The following PITPNM3 variants were observed in gnomAD, a reference collection of about 807,000 sequenced individuals.
PITPNM3 encodes the protein membrane-associated phosphatidylinositol transfer protein 3.
A neutral mutation model predicts 102.0 loss-of-function variants in PITPNM3; 26 were observed. The ratio of observed to expected loss-of-function variants is 0.25; its 90% confidence interval spans 0.19 to 0.35. The LOEUF is 0.35. Ranked by LOEUF, PITPNM3 falls within the 10% of genes least tolerant of loss-of-function variation. The probability of loss-of-function intolerance (pLI) is 1.00; values close to 1 mark genes in which losing one functional copy is unlikely to be tolerated. For missense variants in PITPNM3, 1,083 were observed against 1,346.1 expected, an observed-to-expected ratio of 0.80 and a Z score of 3.06; for synonymous variants, 578 against 558.6, an observed-to-expected ratio of 1.03 and a Z score of -0.49.
In PITPNM3 at chr17:6,464,678, T is replaced by C. The variant is rs762357799; in HGVS notation, c.1984A>G (p.Met662Val). The change falls in exon 15 of 20, where the codon ATG becomes GTG. Residue 662 changes from methionine to valine, a missense_variant. Met to Val is a conservative substitution (Grantham distance 21). This residue lies in a region of PITPNM3 where 410 missense variants were observed against 638.4 expected (regional missense o/e 0.64). Coordinates refer to ENST00000262483, the MANE Select transcript of PITPNM3 (RefSeq NM_031220.4). ...ACCTTCTCTCCAGTCAGAGCCACCA[T>C]GTCGAGGGGCCCGTACATGAACCGC... ...VGRFMYGPLD[M>V]VALTGEKVDI... The C allele has an allele frequency of 1.2e-6, 2 of 1,613,982 alleles. No homozygotes were observed. Among genetic ancestry groups the C allele is most frequent in the African/African-American group, 2.7e-5 (2 of 74,898 alleles).
intron 16 of PITPNM3, 79 bp downstream of exon 16, chr17:6,464,090 AC>A: frequency 6.2e-7 from 1 of 1,601,548 alleles, no homozygotes; most frequent in African/African-American, 1.3e-5. Flanking sequence ...AACCCCAAGG[AC>A]CCCATCCTCT....
chr17:6,463,942 G>T, intron 16 of PITPNM3, 61 bp from the exon 17 acceptor site: 1 of 1,602,268 alleles, frequency 6.2e-7, no homozygotes, highest in East Asian at 2.3e-5. Context: ...CCGGAATCCA[G>T]AGGTCAGCCT....
chr17:6,542,224 A>G (rs1909767764), intron 1 of PITPNM3, among the ~76,000 whole-genome samples: 1 of 152,224 alleles, frequency 6.6e-6, no homozygotes, highest in Non-Finnish European at 1.5e-5. Flanking sequence ...TCAGGTCTAC[A>G]AATCAGTGTC....
intron 19 of PITPNM3, among the ~76,000 whole-genome samples, chr17:6,456,584 T>C (rs1914126098): frequency 6.6e-6 from 1 of 152,084 alleles, no homozygotes. Context: ...AATCAGAATA[T>C]GCATGTCAAC....
intron 4 of PITPNM3, among the ~76,000 whole-genome samples, chr17:6,492,943 G>A (rs1276692236): frequency 2.6e-5 from 4 of 151,430 alleles, no homozygotes; most frequent in Non-Finnish European, 5.9e-5. Context: ...AATACCACTT[G>A]CCTATTCCCA....
At position 6,484,162 on chromosome 17, in the gene PITPNM3, G is replaced by C. The variant is rs11656015; in HGVS notation, c.351+54C>G. ...GGCCGCCTATGATCCGAGGGCTCTT[G>C]CTAAAATCCTGGCCTCTGAGTTGAG... On this transcript the variant is annotated intron_variant, in intron 5 of 19. Transcript: ENST00000262483. 880,185 of 1,516,592 alleles carry C rather than the reference G, an allele frequency of 0.58. 264,261 individuals are homozygous for C. The highest frequency in any genetic ancestry group is 0.63 in the Middle Eastern group (3,713 of 5,886). 93.9% of individuals were successfully genotyped at this position (1,516,592 alleles called of 1,614,324 possible).
At chr17:6,475,475 G>A (rs1422462935) in intron 9 of PITPNM3, among the ~76,000 whole-genome samples, 1 of 152,200 alleles carries the variant, frequency 6.6e-6, no homozygotes, top group Non-Finnish European at 1.5e-5. Flanking sequence ...ACAAACTTTA[G>A]AAAGAGCTAT....
At chr17:6,500,536 T>G (rs1428664286) in intron 4 of PITPNM3, among the ~76,000 whole-genome samples, 1 of 152,152 alleles carries the variant, frequency 6.6e-6, no homozygotes, top group African/African-American at 2.4e-5. Flanking sequence ...TATGGAAAAA[T>G]ACATCACAGT....
chr17:6,468,353 C>T lies in PITPNM3; in HGVS notation c.1774-12G>A. The T allele has an allele frequency of 6.2e-7, 1 of 1,613,242 alleles. No homozygotes were observed. The highest frequency in any genetic ancestry group is 8.5e-7 in the Non-Finnish European group (1 of 1,179,304). On this transcript the variant is annotated splice_polypyrimidine_tract_variant and intron_variant, in intron 13 of 19. Transcript: ENST00000262483. This position sits in a 1 kb window ranked among gnomAD's most constrained non-coding sequence, Gnocchi z 5.2. ...TCATAGCGCATTACCTAGCCAAGAGCCGAGCAGGGCCCCGGTCAGGTCTTC... is the reference window on the plus strand; with the variant it reads ...TCATAGCGCATTACCTAGCCAAGAGTCGAGCAGGGCCCCGGTCAGGTCTTC...
chr17:6,530,201 T>C (rs879432997), intron 2 of PITPNM3, among the ~76,000 whole-genome samples: 8 of 152,152 alleles, frequency 5.3e-5, no homozygotes, highest in Non-Finnish European at 7.3e-5. Context: ...CACATATCAT[T>C]TTCTTCTGTT....
Position 6,468,374 on chromosome 17 carries a change from T to A in PITPNM3, c.1774-33A>T, listed in dbSNP as rs1348051197. On this transcript the variant is annotated intron_variant, in intron 13 of 19. Transcript: ENST00000262483. The surrounding 1 kb of genome is among the most constrained non-coding windows in gnomAD (Gnocchi z 5.2). ...AGAGCCGAGCAGGGCCCCGGTCAGG[T>A]CTTCTGGCTTCTCTGCTTCCCTCCC... The A allele has an allele frequency of 1.2e-6, 2 of 1,601,748 alleles. No individual in the cohort carries two copies. The highest frequency in any genetic ancestry group is 2.7e-5 in the African/African-American group (2 of 74,630).
chr17:6,464,329 G>A lies in PITPNM3; in HGVS notation c.2008-11C>T. The A allele has an allele frequency of 6.2e-7, 1 of 1,613,022 alleles. No homozygotes were observed. The highest frequency in any genetic ancestry group is 8.5e-7 in the Non-Finnish European group (1 of 1,179,992). ...TACTAGGATGTCCACCTGCGGCAGT[G>A]AAGGGGGTCAGGGACTCCCTGAAGG... On this transcript the variant is annotated splice_polypyrimidine_tract_variant and intron_variant, in intron 15 of 19. Transcript: ENST00000262483.
intron 4 of PITPNM3, among the ~76,000 whole-genome samples, chr17:6,494,517 G>A (rs139111022): frequency 1.1e-3 from 171 of 152,308 alleles, no homozygotes; most frequent in African/African-American, 4.0e-3. Context: ...AAGTGTGTGC[G>A]GCATCCAGCA....
intron 2 of PITPNM3, among the ~76,000 whole-genome samples, chr17:6,527,701 T>C (rs951952068): frequency 2.2e-4 from 34 of 152,230 alleles, no homozygotes; most frequent in African/African-American, 8.0e-4. Context: ...CTACGGTGAA[T>C]AGATTCCTGA....
At chr17:6,544,654 T>TCTCTCACA (rs376230474) in intron 1 of PITPNM3, among the ~76,000 whole-genome samples, 3,345 of 130,190 alleles carry the variant, frequency 0.026, 134 homozygotes, top group African/African-American at 0.085. Context: ...TCTCTCTCTC[T>TCTCTCACA]CACACACACA....
chr17:6,485,890 C>T (rs1450759434), intron 4 of PITPNM3, among the ~76,000 whole-genome samples: 1 of 152,262 alleles, frequency 6.6e-6, no homozygotes, highest in Non-Finnish European at 1.5e-5. Context: ...CAGGCTCCTT[C>T]ATTTACATAT....
At chr17:6,496,705 G>A (rs1484352915) in intron 4 of PITPNM3, among the ~76,000 whole-genome samples, 1 of 152,116 alleles carries the variant, frequency 6.6e-6, no homozygotes, top group Non-Finnish European at 1.5e-5. Context: ...TCATGATGTT[G>A]GCATATAAAG....
rs1597358996 is a variant in PITPNM3 at position 6,459,307 on chromosome 17, C to T, written c.2491-1585G>A. On this transcript the variant is annotated intron_variant, in intron 18 of 19. Coordinates refer to ENST00000262483, the MANE Select transcript of PITPNM3 (RefSeq NM_031220.4). This position sits in a 1 kb window ranked among gnomAD's most constrained non-coding sequence, Gnocchi z 5.0. ...CATCCCACACCCTCGGCAAAAGGGGCGCTATCTCCTTGAAGCCCTCTCCTC... is the reference window on the plus strand; with the variant it reads ...CATCCCACACCCTCGGCAAAAGGGGTGCTATCTCCTTGAAGCCCTCTCCTC... Among the ~76,000 whole-genome samples the T allele has an allele frequency of 1.3e-5, 2 of 152,238 alleles. 1 individual carries two copies. The highest frequency in any genetic ancestry group is 2.9e-5 in the Non-Finnish European group (2 of 68,028).
Position 6,517,605 on chromosome 17 carries a change from G to C in PITPNM3, c.226+7751C>G, listed in dbSNP as rs1181062514. Among the ~76,000 whole-genome samples the C allele has an allele frequency of 6.6e-6, 1 of 152,006 alleles. No individual in the cohort carries two copies. Among genetic ancestry groups the C allele is most frequent in the African/African-American group, 2.4e-5 (1 of 41,380 alleles). On this transcript the variant is annotated intron_variant, in intron 3 of 19. Coordinates refer to ENST00000262483, the MANE Select transcript of PITPNM3 (RefSeq NM_031220.4). The surrounding 1 kb of genome is among the most constrained non-coding windows in gnomAD (Gnocchi z 4.1). Reference sequence around the variant, plus strand: ...GACAGGGGCTCATTCTGTCACCCAGGCTGGGTTGCAGTGGAGCAAGCATGG... The same window carrying C: ...GACAGGGGCTCATTCTGTCACCCAGCCTGGGTTGCAGTGGAGCAAGCATGG...
Sources: gnomAD v4.1 joint callset for allele counts (sites outside exome capture counted in the v4.1 genomes callset) on GRCh38, gnomAD v4.1.1 for gene constraint, gnomAD v4.1.1 regional missense constraint, Gnocchi (gnomAD v3.1) non-coding constraint, MANE v1.5 for transcripts, NCBI Gene and HGNC (gene_info 2026-07-23, HGNC 2026-07-21) for gene names.